Variants in C1S observed in about 807,000 individuals in gnomAD.
C1S encodes the protein complement C1s.
C1S carries 31 observed loss-of-function variants against 54.0 expected under a neutral mutation model. That is an observed-to-expected ratio of 0.57 (90% confidence interval 0.43 to 0.78). C1S has a LOEUF of 0.78. Ranked by LOEUF, C1S falls within the 30% of genes least tolerant of loss-of-function variation. The pLI is 0.00. For synonymous variants in C1S, 292 were observed against 303.6 expected (o/e 0.96, Z 0.40); for missense variants, 727 against 851.8 (o/e 0.85, Z 1.82).
intron 11 of C1S, among the ~76,000 whole-genome samples, chr12:7,069,120 G>A (rs1028471724): frequency 2.0e-4 from 31 of 152,196 alleles, no homozygotes; most frequent in African/African-American, 7.2e-4. Context: ...AATGGGTGGG[G>A]TGCAAGTTCA....
chr12:7,067,935 A>C, intron 10 of C1S, 164 bp downstream of exon 10: 1 of 771,950 alleles, frequency 1.3e-6, no homozygotes, highest in Admixed American at 2.0e-5. Context: ...CATCTGGAGC[A>C]GGGCAAGTTC....
intron 10 of C1S, 101 bp downstream of exon 10, chr12:7,067,872 G>A: frequency 8.1e-7 from 1 of 1,238,616 alleles, no homozygotes; most frequent in South Asian, 1.2e-5. Context: ...ACAAATGAAG[G>A]CGATAGGACA....
rs781941340 is a variant in C1S, at chr12:7,063,042, G to A, written c.366G>A (p.Gly122=). 1.2e-6 allele frequency: 2 copies of A among 1,613,720 alleles called. No homozygotes were observed. The highest frequency in any genetic ancestry group is 2.2e-5 in the East Asian group (1 of 44,888). ...TTTCCAATGAAGAGCGTTTTACGGG[G>A]TTTGCTGCATACTATGTTGCCACAG... ...SDFSNEERFT[G]FAAYYVATDI... Residue 122 remains glycine (G), a synonymous_variant, in exon 4 of 12, where the codon GGG becomes GGA. Coordinates refer to ENST00000360817, the MANE Select transcript of C1S (RefSeq NM_001734.5).
chr12:7,068,194 C>G (rs1591580527), intron 10 of C1S, among the ~76,000 whole-genome samples: 1 of 152,206 alleles, frequency 6.6e-6, no homozygotes, highest in South Asian at 2.1e-4. Flanking sequence ...CTGCATTGCT[C>G]TGTATTTATT....
In C1S at chr12:7,065,861, A is replaced by G. The variant is rs142481406; in HGVS notation, c.762A>G (p.Gly254=). 3 of 1,613,380 alleles carry G rather than the reference A, an allele frequency of 1.9e-6. No homozygotes were observed. In the East Asian group the frequency reaches 6.7e-5, roughly 36 times the overall value. Residue 254 remains glycine (G), a synonymous_variant, in exon 7 of 12, where the codon GGA becomes GGG. Transcript: ENST00000360817. ...DRQFGPYCGH[G]FPGPLNIETK... is the part of the protein sequence containing the mutation. The stretch of plus-strand genomic sequence containing the variant: ...AATTTGGTCCTTACTGTGGTCATGG[A>G]TTCCCTGGGCCTCTAAATATTGAAA...
chr12:7,062,286 A>T, intron 2 of C1S, 189 bp from the exon 3 acceptor site: 3 of 563,162 alleles, frequency 5.3e-6, no homozygotes, highest in Non-Finnish European at 9.5e-6. Flanking sequence ...AAAAAAAAAA[A>T]GGGCTCTTGT....
intron 4 of C1S, chr12:7,063,920 T>A (rs1181882480): frequency 2.2e-6 from 1 of 445,462 alleles, no homozygotes; most frequent in Non-Finnish European, 4.5e-6. Context: ...TCCCAGCTCC[T>A]CGGGAGGTAG....
rs1023568577 is a variant in C1S, at chr12:7,070,094, A to G, written c.1510A>G (p.Thr504Ala). ...ACGGCTGGCAAAATCCAAGATGCTC[A>G]CTCCTGAGCATGTGTTTATTCATCC... ...TSRLAKSKML[T>A]PEHVFIHPGW... Residue 504 changes from threonine (T) to alanine (A), a missense_variant, in exon 12 of 12, where the codon ACT becomes GCT. Physicochemically the swap from Thr to Ala is moderately conservative, Grantham distance 58. This residue lies in a region of C1S where 360 missense variants were observed against 453.6 expected (regional missense o/e 0.79). Transcript: ENST00000360817. The surrounding 1 kb of genome is among the most constrained non-coding windows in gnomAD (Gnocchi z 4.9). 1 of 1,613,900 alleles carries G rather than the reference A, an allele frequency of 6.2e-7. No individual in the cohort carries two copies. The highest frequency in any genetic ancestry group is 8.5e-7 in the Non-Finnish European group (1 of 1,179,980).
intron 2 of C1S, 167 bp from the exon 3 acceptor site, chr12:7,062,308 G>A: frequency 3.1e-6 from 2 of 649,926 alleles, no homozygotes; most frequent in Non-Finnish European, 5.5e-6. Context: ...TGAAGCCTGG[G>A]TTTTGGTTTG....
intron 10 of C1S, 157 bp downstream of exon 10, chr12:7,067,928 C>G (rs1937720134): frequency 3.2e-5 from 26 of 819,440 alleles, no homozygotes; most frequent in Non-Finnish European, 4.0e-5. Context: ...CAGTTTTCAT[C>G]TGGAGCAGGG....
chr12:7,060,911 A>T (rs1947079460), intron 1 of C1S, 34 bp downstream of exon 1: 1 of 152,254 alleles, frequency 6.6e-6, no homozygotes, highest in Admixed American at 6.5e-5. Flanking sequence ...CAGAGCTTTG[A>T]TGGAGGAAAA....
chr12:7,066,320 A>G, intron 7 of C1S, 198 bp from the exon 8 acceptor site: 1 of 661,464 alleles, frequency 1.5e-6, no homozygotes, highest in South Asian at 1.7e-5. Flanking sequence ...CTTTAACTAG[A>G]CCTGAGACTG....
Position 7,070,184 on chromosome 12 carries a change from C to T in C1S, c.1600C>T (p.Arg534Trp), listed in dbSNP as rs121909582. The T allele has an allele frequency of 1.2e-4, 190 of 1,614,016 alleles. No individual in the cohort carries two copies. Among genetic ancestry groups the T allele is most frequent in the Non-Finnish European group, 1.5e-4 (175 of 1,180,006 alleles). Residue 534 changes from arginine to tryptophan, a missense_variant, in exon 12 of 12, where the codon CGG becomes TGG. By Grantham distance (101) the Arg-to-Trp change is moderately radical. This residue lies in a region of C1S where 360 missense variants were observed against 453.6 expected (regional missense o/e 0.79). Transcript: ENST00000360817. This position sits in a 1 kb window ranked among gnomAD's most constrained non-coding sequence, Gnocchi z 4.9. ...TTTTGATAATGACATTGCACTGGTG[C>T]GGCTGAAAGACCCAGTGAAAATGGG... ...TNFDNDIALV[R>W]LKDPVKMGPT...
rs782739530 is a variant in C1S at position 7,067,753 on chromosome 12, A to G, written c.1177A>G (p.Met393Val). The change falls in exon 10 of 12, where the codon ATG (methionine) becomes GTG (valine). Residue 393 changes from methionine (M) to valine (V), a missense_variant. Around this residue, in one of 3 missense-constraint regions of C1S, gnomAD observed 360 missense variants for 453.6 expected, o/e 0.79. Coordinates refer to ENST00000360817, the MANE Select transcript of C1S (RefSeq NM_001734.5). ...CACTTGTGAGGAGCCATATTACTACATGGAAAATGGAGGAGGTGGTAGGTT... is the reference window on the plus strand; with the variant it reads ...CACTTGTGAGGAGCCATATTACTACGTGGAAAATGGAGGAGGTGGTAGGTT... The part of the protein sequence containing the change: ...RYTCEEPYYY[M>V]ENGGGGEYHC... 1.2e-5 allele frequency: 19 copies of G among 1,613,830 alleles called. No homozygotes were observed. The highest frequency in any genetic ancestry group is 1.7e-5 in the Admixed American group (1 of 59,998).
chr12:7,067,454 T>A, intron 9 of C1S, 189 bp from the exon 10 acceptor site: 2 of 749,920 alleles, frequency 2.7e-6, no homozygotes, highest in Non-Finnish European at 4.8e-6. Context: ...AATTGGCATC[T>A]CAGCGGGTGA....
intron 11 of C1S, among the ~76,000 whole-genome samples, chr12:7,069,568 C>A (rs983907112): frequency 6.6e-6 from 1 of 152,164 alleles, no homozygotes; most frequent in African/African-American, 2.4e-5. Context: ...GGCTGTGGGT[C>A]GCACTGTGGA....
chr12:7,062,106 T>C (rs774519064), intron 2 of C1S, 189 bp downstream of exon 2: 13 of 606,120 alleles, frequency 2.1e-5, no homozygotes, highest in Non-Finnish European at 3.4e-5. Context: ...CCTGTCTCTA[T>C]TAAAAAAAAA....
chr12:7,061,196 A>C (rs1279341529), intron 1 of C1S: 1 of 152,302 alleles, frequency 6.6e-6, no homozygotes, highest in Non-Finnish European at 1.5e-5. Flanking sequence ...GAATGTAGGA[A>C]GTTTTTATGT....
rs1555162978 is a variant in C1S at position 7,070,130 on chromosome 12, C to T, written c.1546C>T (p.Leu516=). 6.2e-7 allele frequency: 1 copy of T among 1,614,206 alleles called. No homozygotes were observed. The highest frequency in any genetic ancestry group is 1.3e-5 in the African/African-American group (1 of 75,056). ...EHVFIHPGWK[L]LEVPEGRTNF... is the part of the protein sequence containing the mutation. ...TGTGTTTATTCATCCGGGATGGAAGCTGCTGGAAGTCCCAGAAGGACGAAC... is the reference window on the plus strand; with the variant it reads ...TGTGTTTATTCATCCGGGATGGAAGTTGCTGGAAGTCCCAGAAGGACGAAC... The change falls in exon 12 of 12, where the codon CTG becomes TTG. Residue 516 remains leucine, a synonymous_variant. Coordinates refer to ENST00000360817, the MANE Select transcript of C1S (RefSeq NM_001734.5). This position sits in a 1 kb window ranked among gnomAD's most constrained non-coding sequence, Gnocchi z 4.9.
Sources: allele counts gnomAD v4.1 joint callset (sites outside exome capture counted in the v4.1 genomes callset), GRCh38; gene constraint gnomAD v4.1.1; regional missense constraint gnomAD v4.1.1; non-coding constraint Gnocchi (gnomAD v3.1); transcripts MANE v1.5; gene names NCBI Gene and HGNC (gene_info 2026-07-23, HGNC 2026-07-21).